ERBB4: variants seen among roughly 807,000 people sequenced by gnomAD.
ERBB4 encodes receptor tyrosine-protein kinase erbB-4.
Under a neutral mutation model 158.0 loss-of-function variants are expected in ERBB4, and 42 were observed. That is an observed-to-expected ratio of 0.27 (90% CI 0.21 to 0.34). The LOEUF (loss-of-function observed/expected upper bound fraction) is 0.34. Ranked by LOEUF, ERBB4 falls within the 10% of genes least tolerant of loss-of-function variation. ERBB4 has a pLI of 1.00. For missense variants in ERBB4, 1,333 were observed against 1,624.1 expected (o/e 0.82, Z 3.08); for synonymous variants, 583 against 558.7 (o/e 1.04, Z -0.61).
chr2:211,494,697 T>C (rs2065427389), intron 20 of ERBB4, among the ~76,000 whole-genome samples: 1 of 152,128 alleles, frequency 6.6e-6, no homozygotes, highest in African/African-American at 2.4e-5. Context: ...AAAAGGCGTT[T>C]GTTGTGAGTT....
chr2:212,535,802 GAA>G (rs1160133717), intron 1 of ERBB4, among the ~76,000 whole-genome samples: 2 of 151,946 alleles, frequency 1.3e-5, no homozygotes, highest in Non-Finnish European at 2.9e-5. Flanking sequence ...CCAAGCAAAA[GAA>G]AAAAGAGGTT....
At chr2:212,535,135 G>C (rs1396500649) in intron 1 of ERBB4, among the ~76,000 whole-genome samples, 1 of 151,856 alleles carries the variant, frequency 6.6e-6, no homozygotes, top group Non-Finnish European at 1.5e-5. Context: ...CATCACAACA[G>C]AACAGTTATA....
chr2:212,348,463 C>T (rs2089112258), intron 1 of ERBB4, among the ~76,000 whole-genome samples: 2 of 151,954 alleles, frequency 1.3e-5, no homozygotes. Context: ...TTACTTACAG[C>T]TAATAATGAG....
At chr2:212,096,756 G>T (rs1241928484) in intron 2 of ERBB4, among the ~76,000 whole-genome samples, 12 of 152,188 alleles carry the variant, frequency 7.9e-5, no homozygotes, top group Admixed American at 7.9e-4. Context: ...ATAAGCCAGA[G>T]CAGGATAAGA....
At chr2:211,772,971 A>T (rs2075755531) in intron 4 of ERBB4, among the ~76,000 whole-genome samples, 1 of 118,686 alleles carries the variant, frequency 8.4e-6, no homozygotes. Context: ...TTTTTTAAAG[A>T]TGGGGTCCTA....
At chr2:211,965,256 C>G (rs1429232723) in intron 2 of ERBB4, among the ~76,000 whole-genome samples, 1 of 152,044 alleles carries the variant, frequency 6.6e-6, no homozygotes, top group Non-Finnish European at 1.5e-5. Context: ...CAGTATGTTA[C>G]TGAAAAATAT....
At chr2:211,503,452 C>G (rs977115041) in intron 20 of ERBB4, among the ~76,000 whole-genome samples, 9 of 152,228 alleles carry the variant, frequency 5.9e-5, no homozygotes, top group African/African-American at 1.9e-4. Context: ...CTGGTTGTTA[C>G]CGCAATGGGA....
chr2:212,471,682 C>T (rs1689125421), intron 1 of ERBB4, among the ~76,000 whole-genome samples: 1 of 151,798 alleles, frequency 6.6e-6, no homozygotes, highest in Non-Finnish European at 1.5e-5. Context: ...TTCCTTTTTG[C>T]ACTTATTGCT....
chr2:212,523,677 T>C (rs1269447930), intron 1 of ERBB4, among the ~76,000 whole-genome samples: 3 of 151,990 alleles, frequency 2.0e-5, no homozygotes, highest in African/African-American at 7.2e-5. Flanking sequence ...ATGGGTTTCA[T>C]CTGCTCTAAT....
chr2:211,787,852 G>A (rs1347825831), intron 4 of ERBB4, among the ~76,000 whole-genome samples, 173 bp downstream of exon 4: 1 of 152,058 alleles, frequency 6.6e-6, no homozygotes, highest in African/African-American at 2.4e-5. Flanking sequence ...TTCCAAAAGA[G>A]AATTAGCTAG....
intron 4 of ERBB4, among the ~76,000 whole-genome samples, chr2:211,773,849 T>A (rs1342519362): frequency 6.6e-6 from 1 of 151,360 alleles, no homozygotes; most frequent in African/African-American, 2.4e-5. Context: ...CGTAGGACAT[T>A]AATCATTGAA....
chr2:212,348,089 A>T (rs952350076), intron 1 of ERBB4, among the ~76,000 whole-genome samples: 3 of 152,100 alleles, frequency 2.0e-5, no homozygotes, highest in Non-Finnish European at 4.4e-5. Context: ...AGAAAATAAA[A>T]TTTTTATTTT....
intron 1 of ERBB4, among the ~76,000 whole-genome samples, chr2:212,408,863 C>A (rs951925098): frequency 6.6e-6 from 1 of 152,124 alleles, no homozygotes; most frequent in Non-Finnish European, 1.5e-5. Context: ...TCTATTATGA[C>A]ATTTAAAAGC....
chr2:212,111,790 A>G (rs2079417156), intron 2 of ERBB4, among the ~76,000 whole-genome samples: 1 of 152,176 alleles, frequency 6.6e-6, no homozygotes, highest in Admixed American at 6.5e-5. Flanking sequence ...GGATATAAAG[A>G]AAGATAAGAT....
At chr2:211,436,124 T>G (rs1328315831) in intron 20 of ERBB4, among the ~76,000 whole-genome samples, 1 of 152,180 alleles carries the variant, frequency 6.6e-6, no homozygotes, top group East Asian at 1.9e-4. Flanking sequence ...ATCCAGCCAC[T>G]TGAAGTCATA....
chr2:211,768,645 G>C (rs1414336812), intron 4 of ERBB4, among the ~76,000 whole-genome samples: 1 of 152,224 alleles, frequency 6.6e-6, no homozygotes, highest in Non-Finnish European at 1.5e-5. Context: ...ACCCTCTGAA[G>C]CCATGTCCTG....
At chr2:212,118,232 T>A (rs2079630537) in intron 2 of ERBB4, among the ~76,000 whole-genome samples, 1 of 152,200 alleles carries the variant, frequency 6.6e-6, no homozygotes, top group South Asian at 2.1e-4. Flanking sequence ...TAACTCTCAA[T>A]GGTTGTTCAT....
chr2:212,092,073 T>G (rs750056014), intron 2 of ERBB4, among the ~76,000 whole-genome samples: 3 of 152,162 alleles, frequency 2.0e-5, no homozygotes, highest in African/African-American at 4.8e-5. Flanking sequence ...ATTATAACTC[T>G]AGGTCACAGG....
intron 16 of ERBB4, among the ~76,000 whole-genome samples, chr2:211,654,237 C>A (rs1377008956): frequency 6.6e-6 from 1 of 152,152 alleles, no homozygotes. Context: ...CACACTTTTG[C>A]AAAGCATCCA....
Sources: gnomAD v4.1 joint callset for allele counts (sites outside exome capture counted in the v4.1 genomes callset) on GRCh38, gnomAD v4.1.1 for gene constraint, MANE v1.5 for transcripts, NCBI Gene and HGNC (gene_info 2026-07-23, HGNC 2026-07-21) for gene names.